DPP10: variants seen among roughly 807,000 people sequenced by gnomAD.
The protein encoded by DPP10 is dipeptidyl peptidase like 10.
DPP10 carries 33 observed loss-of-function variants against 120.9 expected under a neutral mutation model. The observed-to-expected ratio is 0.27, with a 90% CI of 0.21 to 0.37. The LOEUF (loss-of-function observed/expected upper bound fraction) is 0.37. Among genes scored for constraint, DPP10 ranks in the 10% least tolerant of loss-of-function variants. The probability of loss-of-function intolerance (pLI) is 1.00; values close to 1 mark genes in which losing one functional copy is unlikely to be tolerated. For synonymous variants in DPP10, 337 were observed against 326.1 expected (o/e 1.03, Z -0.36); for missense variants, 816 against 942.8 (o/e 0.87, Z 1.76).
chr2:115,460,197 C>G (rs1186563418), intron 3 of DPP10, among the ~76,000 whole-genome samples: 1 of 151,834 alleles, frequency 6.6e-6, no homozygotes, highest in Non-Finnish European at 1.5e-5. Flanking sequence ...TTTCAGAGGC[C>G]CATTAACTCT....
intron 1 of DPP10, among the ~76,000 whole-genome samples, chr2:114,468,920 T>C (rs1679661977): frequency 1.3e-5 from 2 of 152,182 alleles, no homozygotes; most frequent in Non-Finnish European, 2.9e-5. Flanking sequence ...ATTTCTAGTG[T>C]TCTCTTTAGA....
chr2:114,574,587 C>T (rs1689915147), intron 1 of DPP10, among the ~76,000 whole-genome samples: 1 of 152,060 alleles, frequency 6.6e-6, no homozygotes, highest in South Asian at 2.1e-4. Context: ...AGATCTTTGT[C>T]CCCCCAGCAC....
In DPP10 at chr2:114,442,832, A is replaced by G. The variant is rs770737395; in HGVS notation, c.54A>G (p.Thr18=). ...SHHIKCQPSK[T]IKELGSNSPP... is the part of the protein sequence containing the mutation. The stretch of plus-strand genomic sequence containing the variant: ...ACATCAAGTGTCAACCCTCAAAAAC[A>G]ATCAAGGTAGGATCTGGTTTTTCCC... The change falls in exon 1 of 26, where the codon ACA becomes ACG. Residue 18 remains threonine, a synonymous_variant. Coordinates refer to ENST00000410059, the MANE Select transcript of DPP10 (RefSeq NM_020868.6). 6.2e-7 allele frequency: 1 copy of G among 1,613,376 alleles called. No individual in the cohort carries two copies. The highest frequency in any genetic ancestry group is 8.5e-7 in the Non-Finnish European group (1 of 1,179,518).
At chr2:114,611,196 G>T (rs899542409) in intron 1 of DPP10, among the ~76,000 whole-genome samples, 10 of 152,084 alleles carry the variant, frequency 6.6e-5, no homozygotes, top group Non-Finnish European at 1.3e-4. Flanking sequence ...GCTCTGACAG[G>T]CAAGCACAAG....
intron 1 of DPP10, among the ~76,000 whole-genome samples, chr2:115,190,964 GT>G (rs2054837654): frequency 6.6e-6 from 1 of 152,188 alleles, no homozygotes; most frequent in Non-Finnish European, 1.5e-5. Flanking sequence ...ACAAGAGAAG[GT>G]TTGGTTAGCG....
intron 25 of DPP10, 28 bp from the exon 26 acceptor site, chr2:115,842,183 G>C: frequency 6.4e-7 from 1 of 1,550,982 alleles, no homozygotes; most frequent in African/African-American, 1.4e-5. Flanking sequence ...TGGATAATTT[G>C]AAATCTTCTT....
At chr2:114,499,901 G>T (rs889143646) in intron 1 of DPP10, among the ~76,000 whole-genome samples, 1 of 152,104 alleles carries the variant, frequency 6.6e-6, no homozygotes, top group Admixed American at 6.5e-5. Flanking sequence ...ATTTTCTATT[G>T]CCAGTTTGAA....
In DPP10 at chr2:115,499,474, T is replaced by C. The variant is rs766383071; in HGVS notation, c.272-36T>C. 2.6e-6 allele frequency: 4 copies of C among 1,520,072 alleles called. No homozygotes were observed. In the Admixed American group the frequency reaches 5.2e-5, roughly 20 times the overall value. The allele number at this position is 1,520,072 out of a possible 1,614,324, so 94.2% of individuals were successfully genotyped here. On this transcript the variant is annotated intron_variant, in intron 3 of 25. Coordinates refer to ENST00000410059, the MANE Select transcript of DPP10 (RefSeq NM_020868.6). ...TACAGTTACTATATTATCTAGTCAA[T>C]GTATTTGTCAATTGTGAATGTCTTT... is the stretch of plus-strand genomic sequence containing the variant.
rs147550158 is a variant in DPP10, at chr2:114,755,327, T to G, written c.60+312489T>G. Among the ~76,000 whole-genome samples the G allele has an allele frequency of 3.1e-3, 468 of 152,316 alleles. 2 individuals are homozygous for G. Among genetic ancestry groups the G allele is most frequent in the African/African-American group, 0.011 (450 of 41,564 alleles). On this transcript the variant is annotated intron_variant, in intron 1 of 25. Coordinates refer to ENST00000410059, the MANE Select transcript of DPP10 (RefSeq NM_020868.6). ...GTTATTTTTAGAGACAGGGTCTCAC[T>G]CTGTTACCCAGGCTGGAGTGCAATG...
Position 114,999,999 on chromosome 2 carries a change from G to A in DPP10, c.61-309240G>A, listed in dbSNP as rs911391464. Among the ~76,000 whole-genome samples the A allele has an allele frequency of 6.7e-5, 8 of 119,654 alleles. No individual in the cohort carries two copies. The Admixed American group carries it at 7.9e-4, about 12-fold the overall frequency. The allele number at this position is 119,654 out of a possible 152,430, so 78.5% of individuals were successfully genotyped here. ...TGCATGTGTATAAACCCATTGTTAT[G>A]TTAATTCAACCAATTAGTTTTTTTT... is the stretch of plus-strand genomic sequence containing the variant. On this transcript the variant is annotated intron_variant, in intron 1 of 25. Transcript: ENST00000410059.
At chr2:115,326,819 AGAAAAGTGTCAAT>A (rs1179521679) in intron 2 of DPP10, among the ~76,000 whole-genome samples, 2 of 152,140 alleles carry the variant, frequency 1.3e-5, no homozygotes, top group Non-Finnish European at 2.9e-5. Flanking sequence ...AAGTGTTATT[AGAAAAGTGTCAAT>A]GATGAAAAAC....
At chr2:114,634,034 A>C (rs1177494884) in intron 1 of DPP10, among the ~76,000 whole-genome samples, 1 of 151,950 alleles carries the variant, frequency 6.6e-6, no homozygotes, top group African/African-American at 2.4e-5. Context: ...CTTGGAATAC[A>C]AGCTTTGCAG....
chr2:114,589,241 A>T lies in DPP10; in HGVS notation c.60+146403A>T, dbSNP rs1434856996. Reference sequence around the variant, plus strand: ...GCCCCTCAAGTAGGTCAGTTTTATAAAGTTCTGGGAGTAATTCCTGGAGGC... The same window carrying T: ...GCCCCTCAAGTAGGTCAGTTTTATATAGTTCTGGGAGTAATTCCTGGAGGC... On this transcript the variant is annotated intron_variant, in intron 1 of 25. Transcript: ENST00000410059. 1.3e-5 allele frequency among the ~76,000 whole-genome samples: 2 copies of T among 152,102 alleles called. 1 individual carries two copies. The highest frequency in any genetic ancestry group is 2.9e-5 in the Non-Finnish European group (2 of 68,008).
At chr2:114,992,753 T>G (rs1380435848) in intron 1 of DPP10, among the ~76,000 whole-genome samples, 1 of 152,052 alleles carries the variant, frequency 6.6e-6, no homozygotes, top group Non-Finnish European at 1.5e-5. Flanking sequence ...GAGAAAATAG[T>G]CAAAAAGAGA....
At chr2:115,262,246 T>G (rs976044383) in intron 1 of DPP10, among the ~76,000 whole-genome samples, 4 of 152,126 alleles carry the variant, frequency 2.6e-5, no homozygotes, top group Admixed American at 1.3e-4. Context: ...TCATTATATA[T>G]CTGAGAAATT....
chr2:115,265,512 T>C (rs900019043), intron 1 of DPP10, among the ~76,000 whole-genome samples: 1 of 152,006 alleles, frequency 6.6e-6, no homozygotes, highest in African/African-American at 2.4e-5. Flanking sequence ...TACATACATA[T>C]ACATGCATAC....
chr2:115,516,514 G>A (rs531875999), intron 4 of DPP10, among the ~76,000 whole-genome samples: 2 of 150,420 alleles, frequency 1.3e-5, no homozygotes, highest in African/African-American at 4.9e-5. Context: ...TGTTACATCG[G>A]TTAATATATT....
At chr2:115,112,863 C>CT (rs1435126702) in intron 1 of DPP10, among the ~76,000 whole-genome samples, 9 of 152,154 alleles carry the variant, frequency 5.9e-5, no homozygotes, top group Non-Finnish European at 1.3e-4. Flanking sequence ...TTGCTTTTCT[C>CT]TTAAGTCTGT....
At chr2:114,858,221 C>G (rs1228922309) in intron 1 of DPP10, among the ~76,000 whole-genome samples, 1 of 152,160 alleles carries the variant, frequency 6.6e-6, no homozygotes, top group Non-Finnish European at 1.5e-5. Flanking sequence ...AACCCCTTAG[C>G]TCAGGCAATC....
Sources: gnomAD v4.1 joint callset for allele counts (sites outside exome capture counted in the v4.1 genomes callset) on GRCh38, gnomAD v4.1.1 for gene constraint, MANE v1.5 for transcripts, NCBI Gene and HGNC (gene_info 2026-07-23, HGNC 2026-07-21) for gene names.